The following SLC9A9 variants were observed in gnomAD, a reference collection of about 807,000 sequenced individuals.
SLC9A9 encodes solute carrier family 9 member A9.
Under a neutral mutation model 77.8 loss-of-function variants are expected in SLC9A9, and 62 were observed. That is an observed-to-expected ratio of 0.80 (90% confidence interval 0.65 to 0.98). The LOEUF is 0.98. Among genes scored for constraint, SLC9A9 ranks in the 50% least tolerant of loss-of-function variants. The probability of loss-of-function intolerance (pLI) is 0.00; values close to 1 mark genes in which losing one functional copy is unlikely to be tolerated. For synonymous variants in SLC9A9, 320 were observed against 283.5 expected (o/e 1.13, Z -1.29); for missense variants, 775 against 774.9 (o/e 1.00, Z 0.00).
intron 14 of SLC9A9, among the ~76,000 whole-genome samples, chr3:143,323,325 A>G (rs976851498): frequency 6.6e-6 from 1 of 152,246 alleles, no homozygotes; most frequent in Non-Finnish European, 1.5e-5. Context: ...CTAAGTGTTC[A>G]TCAATGAATG....
chr3:143,695,869 C>T (rs192591663), intron 4 of SLC9A9, among the ~76,000 whole-genome samples: 6 of 152,196 alleles, frequency 3.9e-5, no homozygotes, highest in Admixed American at 1.3e-4. Flanking sequence ...GATGGTTTCT[C>T]GTTGTGGTTT....
intron 12 of SLC9A9, 112 bp from the exon 13 acceptor site, chr3:143,382,226 CAGAAAACT>C: frequency 2.6e-6 from 3 of 1,140,056 alleles, no homozygotes; most frequent in Non-Finnish European, 4.0e-6. Flanking sequence ...AAAGATTTGG[CAGAAAACT>C]ATCCTACGTC....
At chr3:143,475,633 G>C (rs1159969047) in intron 11 of SLC9A9, among the ~76,000 whole-genome samples, 1 of 151,612 alleles carries the variant, frequency 6.6e-6, no homozygotes, top group Non-Finnish European at 1.5e-5. Flanking sequence ...TCTACTACAA[G>C]TACAAAAAAT....
In SLC9A9 at chr3:143,522,719, C is replaced by T. The variant is rs545397820; in HGVS notation, c.1090-27271G>A. Among the ~76,000 whole-genome samples, 36 of 152,238 alleles carry T rather than the reference C, an allele frequency of 2.4e-4. 1 individual carries two copies. Among genetic ancestry groups the T allele is most frequent in the African/African-American group, 1.9e-4 (8 of 41,552 alleles). On this transcript the variant is annotated intron_variant, in intron 9 of 15. Coordinates refer to ENST00000316549, the MANE Select transcript of SLC9A9 (RefSeq NM_173653.4). ...ACAGCCAGACCTACTAAAGGCTTCC[C>T]TTTTCACCTTAACATCAGCCCTTGT...
At chr3:143,678,019 G>T (rs1319891747) in intron 5 of SLC9A9, among the ~76,000 whole-genome samples, 1 of 151,948 alleles carries the variant, frequency 6.6e-6, no homozygotes, top group African/African-American at 2.4e-5. Flanking sequence ...GTAGAGACGG[G>T]GTTTCACCGT....
At chr3:143,572,427 AT>A (rs904391016) in intron 8 of SLC9A9, among the ~76,000 whole-genome samples, 8 of 152,082 alleles carry the variant, frequency 5.3e-5, no homozygotes, top group African/African-American at 1.9e-4. Context: ...CTTATTATTA[AT>A]ACTACTTGGA....
chr3:143,824,217 A>T (rs530121430), intron 2 of SLC9A9, among the ~76,000 whole-genome samples: 19 of 151,980 alleles, frequency 1.3e-4, no homozygotes, highest in African/African-American at 4.3e-4. Context: ...TTTAAAAAAT[A>T]TTTTTTTCTA....
At chr3:143,592,989 A>C (rs547998380) in intron 6 of SLC9A9, among the ~76,000 whole-genome samples, 5 of 152,336 alleles carry the variant, frequency 3.3e-5, no homozygotes, top group South Asian at 2.1e-4. Flanking sequence ...TGAAATAAGT[A>C]ACACCTTGGT....
intron 4 of SLC9A9, among the ~76,000 whole-genome samples, chr3:143,728,943 A>C (rs906047475): frequency 6.6e-6 from 1 of 151,972 alleles, no homozygotes; most frequent in South Asian, 2.1e-4. Flanking sequence ...TAGGATTGAC[A>C]ATGTCTGAGC....
At chr3:143,417,286 C>T (rs1019846056) in intron 12 of SLC9A9, among the ~76,000 whole-genome samples, 1 of 151,986 alleles carries the variant, frequency 6.6e-6, no homozygotes, top group Non-Finnish European at 1.5e-5. Context: ...TTTGAAATGC[C>T]CCTACTATGG....
intron 4 of SLC9A9, among the ~76,000 whole-genome samples, chr3:143,694,741 T>A (rs929834505): frequency 8.5e-5 from 13 of 152,154 alleles, no homozygotes; most frequent in African/African-American, 3.1e-4. Context: ...ATTGCTTAGA[T>A]CAACAGTTCT....
intron 11 of SLC9A9, among the ~76,000 whole-genome samples, chr3:143,474,845 C>G (rs1225324949): frequency 6.6e-6 from 1 of 152,108 alleles, no homozygotes; most frequent in Non-Finnish European, 1.5e-5. Context: ...TTTGTACTTG[C>G]AGCTTTTCCC....
intron 14 of SLC9A9, among the ~76,000 whole-genome samples, chr3:143,342,703 T>A (rs571238654): frequency 2.0e-5 from 3 of 152,280 alleles, no homozygotes; most frequent in African/African-American, 7.2e-5. Flanking sequence ...GTGGGCACCA[T>A]AAAATATCAC....
chr3:143,400,726 A>C (rs1371576634), intron 12 of SLC9A9, among the ~76,000 whole-genome samples: 1 of 149,290 alleles, frequency 6.7e-6, no homozygotes, highest in Non-Finnish European at 1.5e-5. Context: ...TATGCAAAAA[A>C]AAAAAAAAAA....
chr3:143,699,640 T>C (rs1933739723), intron 4 of SLC9A9, among the ~76,000 whole-genome samples: 2 of 152,158 alleles, frequency 1.3e-5, no homozygotes. Context: ...AAACCAGCCT[T>C]AGCCAGAGAG....
intron 14 of SLC9A9, among the ~76,000 whole-genome samples, chr3:143,275,810 C>T (rs1691192621): frequency 6.6e-6 from 1 of 152,206 alleles, no homozygotes; most frequent in Admixed American, 6.5e-5. Context: ...TTCTATTCCA[C>T]ACCCTCATTT....
intron 6 of SLC9A9, among the ~76,000 whole-genome samples, chr3:143,625,428 T>C (rs2038304441): frequency 6.6e-6 from 1 of 152,010 alleles, no homozygotes; most frequent in African/African-American, 2.4e-5. Flanking sequence ...TATAGACCAA[T>C]GGAACAGAAC....
At chr3:143,372,585 A>G (rs983851164) in intron 13 of SLC9A9, among the ~76,000 whole-genome samples, 1 of 152,222 alleles carries the variant, frequency 6.6e-6, no homozygotes, top group Non-Finnish European at 1.5e-5. Flanking sequence ...CTAAGACCCC[A>G]AAAGCAAATG....
chr3:143,385,286 T>C (rs752661874), intron 12 of SLC9A9, among the ~76,000 whole-genome samples: 41 of 152,230 alleles, frequency 2.7e-4, no homozygotes, highest in Non-Finnish European at 4.9e-4. Context: ...TTTATTTTTA[T>C]TTTCATTTTC....
Sources: allele counts gnomAD v4.1 joint callset (sites outside exome capture counted in the v4.1 genomes callset), GRCh38; gene constraint gnomAD v4.1.1; transcripts MANE v1.5; gene names NCBI Gene and HGNC (gene_info 2026-07-23, HGNC 2026-07-21).